RCL1: variants seen among roughly 807,000 people sequenced by gnomAD.
RCL1 encodes RNA terminal phosphate cyclase like 1.
A neutral mutation model predicts 42.4 loss-of-function variants in RCL1; 24 were observed. That is an observed-to-expected ratio of 0.57 (90% confidence interval 0.41 to 0.80). The LOEUF (loss-of-function observed/expected upper bound fraction) is 0.80. RCL1 is among the 30% of genes least tolerant of loss of function. RCL1 has a pLI of 0.00. For missense variants in RCL1, 578 were observed against 467.9 expected, an observed-to-expected ratio of 1.24 and a Z score of -2.17; for synonymous variants, 228 against 177.3, an observed-to-expected ratio of 1.29 and a Z score of -2.27.
chr9:4,795,302 G>C (rs2013284), intron 1 of RCL1, among the ~76,000 whole-genome samples: 46,531 of 151,864 alleles, frequency 0.31, 8,266 homozygotes, highest in African/African-American at 0.49. Context: ...CAGGCTGTAT[G>C]AAACTGCTGA....
intron 8 of RCL1, among the ~76,000 whole-genome samples, chr9:4,852,711 G>C (rs1817792957): frequency 6.6e-6 from 1 of 151,952 alleles, no homozygotes; most frequent in Admixed American, 6.5e-5. Flanking sequence ...GCTGGGTGCT[G>C]TGGTTCCTGC....
intron 6 of RCL1, among the ~76,000 whole-genome samples, chr9:4,842,634 A>C (rs1439980941): frequency 6.6e-6 from 1 of 152,232 alleles, no homozygotes; most frequent in Non-Finnish European, 1.5e-5. Context: ...TATTGTAAAG[A>C]TCACACATAT....
chr9:4,832,438 A>T (rs1473090808), intron 3 of RCL1, among the ~76,000 whole-genome samples: 2 of 152,198 alleles, frequency 1.3e-5, no homozygotes, highest in Non-Finnish European at 2.9e-5. Context: ...TACCGGCTCT[A>T]AACATTAAAT....
chr9:4,830,415 G>A (rs1157022258), intron 3 of RCL1, among the ~76,000 whole-genome samples: 1 of 152,162 alleles, frequency 6.6e-6, no homozygotes, highest in Non-Finnish European at 1.5e-5. Context: ...GATAAGGATT[G>A]AAAACAGAGG....
chr9:4,833,059 C>G (rs1334285695), intron 3 of RCL1, 95 bp from the exon 4 acceptor site: 10 of 807,246 alleles, frequency 1.2e-5, no homozygotes, highest in Middle Eastern at 6.7e-4. Flanking sequence ...CACACTGCAT[C>G]ATCTACCTGG....
At chr9:4,835,767 C>T (rs537595404) in intron 5 of RCL1, among the ~76,000 whole-genome samples, 20 of 152,158 alleles carry the variant, frequency 1.3e-4, no homozygotes, top group Non-Finnish European at 2.8e-4. Context: ...CTTGGTTGCC[C>T]GTATATCTTT....
intron 1 of RCL1, among the ~76,000 whole-genome samples, chr9:4,795,334 T>C (rs1024302564): frequency 2.0e-5 from 3 of 152,142 alleles, no homozygotes; most frequent in Admixed American, 2.0e-4. Context: ...CCGCCTGCCT[T>C]GGCCTCCCAG....
intron 8 of RCL1, among the ~76,000 whole-genome samples, chr9:4,853,984 C>G (rs141681324): frequency 0.025 from 3,878 of 152,266 alleles, 46 homozygotes; most frequent in Non-Finnish European, 0.03. Context: ...AAGCCTGCCT[C>G]TACTTGGGGT....
At chr9:4,827,162 G>A (rs1271607455) in intron 3 of RCL1, 129 bp downstream of exon 3, 3 of 1,552,404 alleles carry the variant, frequency 1.9e-6, no homozygotes, top group South Asian at 1.2e-5. Context: ...TATTTACTTT[G>A]AGATTTAGAG....
intron 1 of RCL1, among the ~76,000 whole-genome samples, chr9:4,806,119 T>A (rs1018176219): frequency 1.4e-5 from 2 of 140,944 alleles, no homozygotes; most frequent in Non-Finnish European, 3.0e-5. Flanking sequence ...ATTTAGGAGG[T>A]TTTTTTTTCC....
At chr9:4,826,140 C>G (rs981105848) in intron 2 of RCL1, among the ~76,000 whole-genome samples, 1 of 151,846 alleles carries the variant, frequency 6.6e-6, no homozygotes, top group African/African-American at 2.4e-5. Context: ...CCCAGCTATT[C>G]TGGAGGCTGA....
intron 6 of RCL1, among the ~76,000 whole-genome samples, chr9:4,841,667 T>A (rs295262): frequency 0.29 from 44,244 of 152,062 alleles, 7,523 homozygotes; most frequent in Non-Finnish European, 0.39. Flanking sequence ...AACAAAAAAA[T>A]TAAAGTGGAC....
chr9:4,860,636 C>G lies in RCL1; in HGVS notation c.*361C>G, dbSNP rs1212433474. 1.0e-5 allele frequency: 2 copies of G among 195,218 alleles called. No homozygotes were observed. Among genetic ancestry groups the G allele is most frequent in the Non-Finnish European group, 2.1e-5 (2 of 97,126 alleles). 12.1% of individuals were successfully genotyped at this position (195,218 alleles called of 1,614,324 possible). On this transcript the variant is annotated 3_prime_UTR_variant, in exon 9 of 9. Coordinates refer to ENST00000381750, the MANE Select transcript of RCL1 (RefSeq NM_005772.5). ...GCTTCCTCAGCCCTCTGTCATATGG[C>G]TGTTTTGCAAACCTGTGGAGTCTGT...
chr9:4,850,703 A>C (rs1209577187), intron 8 of RCL1, among the ~76,000 whole-genome samples: 1 of 152,086 alleles, frequency 6.6e-6, no homozygotes, highest in African/African-American at 2.4e-5. Context: ...ATCAGTAGTA[A>C]ACAATGCTAA....
intron 7 of RCL1, among the ~76,000 whole-genome samples, chr9:4,846,481 G>A (rs147190138): frequency 1.2e-4 from 18 of 152,332 alleles, no homozygotes; most frequent in African/African-American, 3.4e-4. Context: ...TGTGAAAAAT[G>A]GGTAGTAACT....
intron 1 of RCL1, among the ~76,000 whole-genome samples, chr9:4,802,544 T>C (rs1198008598): frequency 6.6e-6 from 1 of 152,236 alleles, no homozygotes; most frequent in African/African-American, 2.4e-5. Context: ...TATAGGTTTA[T>C]TTAAAACATA....
At chr9:4,852,910 A>G (rs1298904822) in intron 8 of RCL1, among the ~76,000 whole-genome samples, 1 of 152,048 alleles carries the variant, frequency 6.6e-6, no homozygotes, top group Non-Finnish European at 1.5e-5. Flanking sequence ...AGTCATCTGT[A>G]AGTGGTCTGC....
In RCL1 at chr9:4,834,173, A is replaced by C. The variant is rs1817044563; in HGVS notation, c.492A>C (p.Gly164=). 1.9e-6 allele frequency: 3 copies of C among 1,613,446 alleles called. No individual in the cohort carries two copies. Among genetic ancestry groups the C allele is most frequent in the Non-Finnish European group, 2.5e-6 (3 of 1,179,646 alleles). Residue 164 remains glycine, a synonymous_variant, in exon 5 of 9, where the codon GGA becomes GGC. Transcript: ENST00000381750. ...IVRRGMPPGG[G]GEVVFSCPVR... ...GACGGGGAATGCCTCCCGGAGGAGG[A>C]GGCGAAGTGGTTTTCTCATGTCCTG...
In RCL1 at chr9:4,834,235, C is replaced by A. The variant is rs1476507138; in HGVS notation, c.554C>A (p.Pro185Gln). 1.9e-6 allele frequency: 3 copies of A among 1,613,074 alleles called. No homozygotes were observed. The East Asian group carries it at 6.7e-5, about 36-fold the overall frequency. ...KVLKPIQLTD[P>Q]GKIKRIRGMA... ...TTGAAGCCCATTCAACTCACAGATCCAGGAAAAATCAAACGTATTAGAGGA... is the reference window on the plus strand; with the variant it reads ...TTGAAGCCCATTCAACTCACAGATCAAGGAAAAATCAAACGTATTAGAGGA... The change falls in exon 5 of 9, where the codon CCA (proline) becomes CAA (glutamine). Residue 185 changes from proline (P) to glutamine (Q), a missense_variant. Coordinates refer to ENST00000381750, the MANE Select transcript of RCL1 (RefSeq NM_005772.5).
Sources: gnomAD v4.1 joint callset for allele counts (sites outside exome capture counted in the v4.1 genomes callset) on GRCh38, gnomAD v4.1.1 for gene constraint, MANE v1.5 for transcripts, NCBI Gene and HGNC (gene_info 2026-07-23, HGNC 2026-07-21) for gene names.